Variants in PFKFB1 observed in about 807,000 individuals in gnomAD.
PFKFB1 encodes the protein 6-phosphofructo-2-kinase/fructose-2,6-biphosphatase 1, also known as 6-phosphofructo-2-kinase/fructose-2,6-bisphosphatase 1.
Under a neutral mutation model 46.4 loss-of-function variants are expected in PFKFB1, and 34 were observed. The observed-to-expected ratio is 0.73, with a 90% CI of 0.56 to 0.98. The LOEUF is 0.98. Among genes scored for constraint, PFKFB1 ranks in the 50% least tolerant of loss-of-function variants. The pLI is 0.00. For missense variants in PFKFB1, 393 were observed against 376.3 expected, an observed-to-expected ratio of 1.04 and a Z score of -0.37; for synonymous variants, 119 against 133.8, an observed-to-expected ratio of 0.89 and a Z score of 0.76.
chrX:54,973,124 G>T (rs1287358480), intron 1 of PFKFB1, among the ~76,000 whole-genome samples: 5 of 111,787 alleles, frequency 4.5e-5, no homozygotes, highest in African/African-American at 1.6e-4. Context: ...TAGTTTATTT[G>T]CATAGAGGTG....
At chrX:54,958,784 G>T in intron 5 of PFKFB1, 67 bp downstream of exon 5, 1 of 747,382 alleles carries the variant, frequency 1.3e-6, no homozygotes. Context: ...GAGTCCCCTG[G>T]TTTGCCTTTC....
chrX:54,993,775 A>C, intron 1 of PFKFB1, 136 bp downstream of exon 1: 1 of 889,233 alleles, frequency 1.1e-6, no homozygotes, highest in Non-Finnish European at 1.5e-6. Flanking sequence ...ACTAGCCTCT[A>C]TTTCATCCAG....
At chrX:54,986,605 C>A (rs1001536229) in intron 1 of PFKFB1, among the ~76,000 whole-genome samples, 3 of 111,681 alleles carry the variant, frequency 2.7e-5, no homozygotes, top group South Asian at 3.7e-4. Context: ...AACTTCAAGA[C>A]CACTCTTTCA....
At chrX:54,949,966 G>A (rs1268504755) in intron 8 of PFKFB1, among the ~76,000 whole-genome samples, 1 of 111,942 alleles carries the variant, frequency 8.9e-6, no homozygotes, top group South Asian at 3.7e-4. Flanking sequence ...TTGAGTGTTC[G>A]TGGCCCTGTG....
intron 10 of PFKFB1, among the ~76,000 whole-genome samples, chrX:54,941,857 T>C (rs901941984): frequency 1.3e-4 from 15 of 111,919 alleles, no homozygotes; most frequent in African/African-American, 4.9e-4. Context: ...GATCTAGAAC[T>C]AGAAATCCCA....
chrX:54,958,795 T>C lies in PFKFB1; in HGVS notation c.459+56A>G. 9 of 845,605 alleles carry C rather than the reference T, an allele frequency of 1.1e-5. 1 individual carries two copies. The highest frequency in any genetic ancestry group is 1.6e-5 in the Non-Finnish European group (9 of 576,251). The allele number at this position is 845,605 out of a possible 1,213,427, so 69.7% of individuals were successfully genotyped here. ...CTCTGAGTCCCCTGGTTTGCCTTTCTTTGGGGTTTGTGCTGGAGAAATAGG... is the reference window on the plus strand; with the variant it reads ...CTCTGAGTCCCCTGGTTTGCCTTTCCTTGGGGTTTGTGCTGGAGAAATAGG... On this transcript the variant is annotated intron_variant, in intron 5 of 13. Transcript: ENST00000375006.
At chrX:54,968,334 G>C (rs1266249408) in intron 1 of PFKFB1, among the ~76,000 whole-genome samples, 4 of 70,039 alleles carry the variant, frequency 5.7e-5, no homozygotes, top group Non-Finnish European at 1.0e-4. Flanking sequence ...GGTGGGGGGA[G>C]GGGGGAGGGA....
chrX:54,961,113 T>G (rs952722240), intron 2 of PFKFB1, among the ~76,000 whole-genome samples, 196 bp from the exon 3 acceptor site: 1 of 111,454 alleles, frequency 9.0e-6, no homozygotes, highest in Non-Finnish European at 1.9e-5. Context: ...CTATTACCAT[T>G]TTATAAATGA....
chrX:54,997,330 G>A (rs1461086993), upstream of PFKFB1, among the ~76,000 whole-genome samples: 1 of 111,539 alleles, frequency 9.0e-6, no homozygotes, highest in Non-Finnish European at 1.9e-5. Flanking sequence ...TGAACTCGTG[G>A]CAGAGAAAGG....
rs780153560 is a variant in PFKFB1 at position 54,958,800 on chromosome X, G to T, written c.459+51C>A. The T allele has an allele frequency of 9.3e-6, 8 of 859,725 alleles. No homozygotes were observed. In the East Asian group the frequency reaches 1.6e-4, roughly 17 times the overall value. The allele number at this position is 859,725 out of a possible 1,213,427, so 70.9% of individuals were successfully genotyped here. ...AGTCCCCTGGTTTGCCTTTCTTTGG[G>T]GTTTGTGCTGGAGAAATAGGCTCTA... On this transcript the variant is annotated intron_variant, in intron 5 of 13. Transcript: ENST00000375006.
chrX:54,956,367 G>A (rs1309476699), intron 6 of PFKFB1, 93 bp from the exon 7 acceptor site: 17 of 1,026,364 alleles, frequency 1.7e-5, no homozygotes, highest in Non-Finnish European at 2.1e-5. Context: ...AGTACAAGAT[G>A]CCTCATTATA....
At position 54,952,115 on chromosome X, in the gene PFKFB1, G is replaced by A. The variant is rs750912548; in HGVS notation, c.639-3C>T. 4 of 1,205,064 alleles carry A rather than the reference G, an allele frequency of 3.3e-6. No homozygotes were observed. Among genetic ancestry groups the A allele is most frequent in the Admixed American group, 4.3e-5 (2 of 46,024 alleles). On this transcript the variant is annotated splice_region_variant and splice_polypyrimidine_tract_variant and intron_variant, in intron 7 of 13. Transcript: ENST00000375006. ...AGATCTTGATGTAGGACAGGTGGCT[G>A]GGCCAGACCCAAGCAGGAGCAAGGG...
intron 1 of PFKFB1, among the ~76,000 whole-genome samples, chrX:54,993,156 CACT>C (rs1935287758): frequency 8.9e-6 from 1 of 112,032 alleles, no homozygotes; most frequent in Non-Finnish European, 1.9e-5. Context: ...CTTGGTCCAC[CACT>C]GTCGCCTGTT....
At position 54,938,749 on chromosome X, in the gene PFKFB1, G is replaced by C. The variant is rs768457092; in HGVS notation, c.1099-1025C>G. Among the ~76,000 whole-genome samples the C allele has an allele frequency of 4.8e-3, 536 of 111,421 alleles. 2 individuals carry two copies. Among genetic ancestry groups the C allele is most frequent in the Non-Finnish European group, 5.3e-3 (280 of 53,012 alleles). On this transcript the variant is annotated intron_variant, in intron 10 of 13. Transcript: ENST00000375006. ...CACCCAGATTCATAAAGCAAGTCCT[G>C]AGTGACCTACAAAGAGACTTAGACT...
At chrX:54,933,982 C>T (rs888723432) in intron 12 of PFKFB1, 97 bp from the exon 13 acceptor site, 1 of 623,170 alleles carries the variant, frequency 1.6e-6, no homozygotes, top group Non-Finnish European at 2.6e-6. Context: ...AGCCACACCC[C>T]CAGCTTCATA....
upstream of PFKFB1, among the ~76,000 whole-genome samples, chrX:54,997,220 C>T (rs1229147223): frequency 3.6e-5 from 4 of 111,853 alleles, no homozygotes; most frequent in Non-Finnish European, 5.6e-5. Flanking sequence ...GATGGGAGAA[C>T]TAATTTGTCT....
intron 1 of PFKFB1, among the ~76,000 whole-genome samples, chrX:54,963,958 T>G (rs1449492276): frequency 9.0e-6 from 1 of 111,546 alleles, no homozygotes; most frequent in East Asian, 2.8e-4. Context: ...AAAAACCAGC[T>G]TGAAAGTACT....
At chrX:54,994,590 A>C (rs1398534718), upstream of PFKFB1, 1 of 752,544 alleles carries the variant, frequency 1.3e-6, no homozygotes, top group African/African-American at 2.3e-5. Context: ...ACAAACACAA[A>C]GTCCCTACTG....
chrX:54,994,227 G>T, upstream of PFKFB1: 2 of 1,028,926 alleles, frequency 1.9e-6, no homozygotes, highest in South Asian at 2.7e-5. Flanking sequence ...TACTAGTGGG[G>T]TATTGGGTGC....
Sources: allele counts gnomAD v4.1 joint callset (sites outside exome capture counted in the v4.1 genomes callset), GRCh38; gene constraint gnomAD v4.1.1; transcripts MANE v1.5; gene names NCBI Gene and HGNC (gene_info 2026-07-23, HGNC 2026-07-21).